MAD1L1: variants seen among roughly 807,000 people sequenced by gnomAD.
MAD1L1 encodes mitotic spindle assembly checkpoint protein MAD1.
MAD1L1 carries 95 observed loss-of-function variants against 96.9 expected under a neutral mutation model. The observed-to-expected ratio is 0.98, with a 90% confidence interval of 0.83 to 1.16. The LOEUF is 1.16. Ranked by LOEUF, MAD1L1 falls within the 50% of genes most tolerant of loss-of-function variation. The pLI, the probability that MAD1L1 is intolerant of heterozygous loss-of-function variation, is 0.00. For synonymous variants in MAD1L1, 473 were observed against 396.6 expected, an observed-to-expected ratio of 1.19 and a Z score of -2.29; for missense variants, 1,007 against 954.4, an observed-to-expected ratio of 1.06 and a Z score of -0.73.
chr7:1,900,611 C>T (rs769839778), intron 17 of MAD1L1, among the ~76,000 whole-genome samples: 60 of 152,238 alleles, frequency 3.9e-4, no homozygotes, highest in South Asian at 3.7e-3. Context: ...CTGATCCTCC[C>T]GAAGATGGGG....
intron 11 of MAD1L1, among the ~76,000 whole-genome samples, chr7:2,093,846 G>A (rs761038904): frequency 6.6e-6 from 1 of 152,186 alleles, no homozygotes; most frequent in Non-Finnish European, 1.5e-5. Flanking sequence ...TGTGGGGCAC[G>A]GGGCAACAGA....
At chr7:2,139,997 C>CCCCCCCCG (rs375660018) in intron 11 of MAD1L1, among the ~76,000 whole-genome samples, 5 of 148,834 alleles carry the variant, frequency 3.4e-5, no homozygotes, top group African/African-American at 1.3e-4. Context: ...CCCCGCCCCC[C>CCCCCCCCG]CCCAGTCCCT....
intron 17 of MAD1L1, among the ~76,000 whole-genome samples, chr7:1,914,256 G>A (rs964450923): frequency 5.3e-5 from 8 of 152,196 alleles, no homozygotes; most frequent in South Asian, 2.1e-4. Context: ...ATCAGCAAGC[G>A]GTGGCTATGC....
At chr7:2,115,078 C>T (rs1787595476) in intron 11 of MAD1L1, among the ~76,000 whole-genome samples, 1 of 152,212 alleles carries the variant, frequency 6.6e-6, no homozygotes, top group African/African-American at 2.4e-5. Flanking sequence ...TCTGTATCCC[C>T]GCCCCGCGAC....
At chr7:1,928,832 C>A (rs1789255431) in intron 17 of MAD1L1, among the ~76,000 whole-genome samples, 1 of 152,180 alleles carries the variant, frequency 6.6e-6, no homozygotes, top group African/African-American at 2.4e-5. Flanking sequence ...GCTGGCTTGG[C>A]ACTGCCAGGC....
chr7:1,954,195 C>T (rs1355702273), intron 16 of MAD1L1, among the ~76,000 whole-genome samples: 2 of 152,204 alleles, frequency 1.3e-5, no homozygotes, highest in Non-Finnish European at 2.9e-5. Context: ...GGAATGGCCA[C>T]CATGCAGGCC....
intron 11 of MAD1L1, among the ~76,000 whole-genome samples, chr7:2,084,577 A>T (rs1785815705): frequency 6.6e-6 from 1 of 152,254 alleles, no homozygotes; most frequent in African/African-American, 2.4e-5. Flanking sequence ...GCGGAGTCCT[A>T]GCCCAGAAAA....
At chr7:1,870,251 C>A (rs933510393) in intron 18 of MAD1L1, among the ~76,000 whole-genome samples, 1 of 150,984 alleles carries the variant, frequency 6.6e-6, no homozygotes, top group Non-Finnish European at 1.5e-5. Context: ...ATAACACCTG[C>A]CACGCTGAAC....
In MAD1L1 at chr7:1,985,989, T is replaced by C. The variant is rs148300735; in HGVS notation, c.1417-5448A>G. On this transcript the variant is annotated intron_variant, in intron 14 of 18. Transcript: ENST00000265854. Reference sequence around the variant, plus strand: ...TGTCCACCGTTTTTCTGTGAAACTTTTTCTGCCACTTGTTTTTGTTCTTTT... The same window carrying C: ...TGTCCACCGTTTTTCTGTGAAACTTCTTCTGCCACTTGTTTTTGTTCTTTT... 2.4e-3 allele frequency among the ~76,000 whole-genome samples: 364 copies of C among 152,356 alleles called. 2 individuals carry two copies. The highest frequency in any genetic ancestry group is 3.8e-3 in the Non-Finnish European group (260 of 68,038).
intron 12 of MAD1L1, among the ~76,000 whole-genome samples, chr7:2,048,134 G>GCATGCA (rs1784013699): frequency 6.6e-6 from 1 of 152,224 alleles, no homozygotes; most frequent in Admixed American, 6.5e-5. Flanking sequence ...ATGTGTGCAT[G>GCATGCA]CATGCACACT....
At chr7:2,024,859 G>A (rs951313532) in intron 12 of MAD1L1, among the ~76,000 whole-genome samples, 6 of 152,196 alleles carry the variant, frequency 3.9e-5, no homozygotes, top group African/African-American at 1.4e-4. Flanking sequence ...CTTCACTGAT[G>A]AATTCTACCA....
chr7:2,232,263 AG>A (rs1300141985), intron 1 of MAD1L1, among the ~76,000 whole-genome samples: 1 of 152,260 alleles, frequency 6.6e-6, no homozygotes, highest in Non-Finnish European at 1.5e-5. Flanking sequence ...GTGCAAGCAG[AG>A]GCCTGAGCTC....
At chr7:2,174,318 C>T (rs530999940) in intron 10 of MAD1L1, among the ~76,000 whole-genome samples, 1 of 152,314 alleles carries the variant, frequency 6.6e-6, no homozygotes, top group South Asian at 2.1e-4. Context: ...ATTCCCGCTT[C>T]GTATGTAACC....
intron 11 of MAD1L1, among the ~76,000 whole-genome samples, chr7:2,078,738 A>C (rs1227416087): frequency 6.6e-6 from 1 of 152,134 alleles, no homozygotes; most frequent in Non-Finnish European, 1.5e-5. Context: ...CCCCCACCCC[A>C]CATCCCTGAG....
intron 10 of MAD1L1, among the ~76,000 whole-genome samples, chr7:2,200,852 C>G (rs756802966): frequency 1.3e-5 from 2 of 152,214 alleles, no homozygotes; most frequent in Non-Finnish European, 2.9e-5. Flanking sequence ...GCACCTGATT[C>G]CAGGTGACCA....
chr7:2,216,596 C>T (rs768995188), intron 7 of MAD1L1, among the ~76,000 whole-genome samples: 7 of 152,146 alleles, frequency 4.6e-5, no homozygotes, highest in Admixed American at 2.6e-4. Flanking sequence ...GAGTGACCCT[C>T]GCATGACCCG....
At chr7:2,065,449 T>C (rs1441523597) in intron 12 of MAD1L1, among the ~76,000 whole-genome samples, 2 of 152,166 alleles carry the variant, frequency 1.3e-5, no homozygotes, top group Admixed American at 1.3e-4. Flanking sequence ...GGTTTTTTGA[T>C]TGACAAAAGG....
intron 18 of MAD1L1, among the ~76,000 whole-genome samples, chr7:1,850,977 G>A (rs6974224): frequency 0.012 from 1,885 of 152,300 alleles, 33 homozygotes; most frequent in African/African-American, 0.042. Flanking sequence ...CGTCGCGTCC[G>A]TGGGTCGAGG....
intron 16 of MAD1L1, among the ~76,000 whole-genome samples, chr7:1,943,906 A>G (rs1178644573): frequency 1.3e-5 from 2 of 152,228 alleles, no homozygotes; most frequent in African/African-American, 4.8e-5. Context: ...AAGAAGGAAC[A>G]CAAGGTCCAC....
Sources: allele counts gnomAD v4.1 joint callset (sites outside exome capture counted in the v4.1 genomes callset), GRCh38; gene constraint gnomAD v4.1.1; transcripts MANE v1.5; gene names NCBI Gene and HGNC (gene_info 2026-07-23, HGNC 2026-07-21).